FHIT: variants seen among roughly 807,000 people sequenced by gnomAD.
FHIT encodes the protein fragile histidine triad diadenosine triphosphatase, also known as bis(5'-adenosyl)-triphosphatase.
Under a neutral mutation model 17.9 loss-of-function variants are expected in FHIT, and 19 were observed. That is an observed-to-expected ratio of 1.06 (90% CI 0.74 to 1.56). The LOEUF (loss-of-function observed/expected upper bound fraction) is 1.56, where lower values mean the gene tolerates loss of function less well. Ranked by LOEUF, FHIT falls within the 40% of genes most tolerant of loss-of-function variation. The pLI is 0.00. For missense variants in FHIT, 248 were observed against 189.2 expected (o/e 1.31, Z -1.82); for synonymous variants, 81 against 69.7 (o/e 1.16, Z -0.81).
In FHIT at chr3:60,407,067, ATTTTTT is replaced by A. The variant is rs34542104; in HGVS notation, c.103+129787_103+129792del. Among the ~76,000 whole-genome samples the A allele has an allele frequency of 4.7e-3, 298 of 62,906 alleles. 1 individual carries two copies. Among genetic ancestry groups the A allele is most frequent in the African/African-American group, 7.4e-3 (106 of 14,392 alleles). The allele number at this position is 62,906 out of a possible 152,430, so 41.3% of individuals were successfully genotyped here. On this transcript the variant is annotated intron_variant, in intron 5 of 9. Transcript: ENST00000492590. ...GTGAACTACTCAAAGCCTGCCAATA[ATTTTTT>A]TTTTTTTTTTTTTTTTTTTTTGCTT...
At chr3:60,038,531 A>G (rs1701313678) in intron 5 of FHIT, among the ~76,000 whole-genome samples, 1 of 152,226 alleles carries the variant, frequency 6.6e-6, no homozygotes, top group Non-Finnish European at 1.5e-5. Context: ...TACTGTCTCA[A>G]TATGCATGAA....
At chr3:60,084,812 G>A (rs1374376254) in intron 5 of FHIT, among the ~76,000 whole-genome samples, 2 of 152,026 alleles carry the variant, frequency 1.3e-5, no homozygotes, top group African/African-American at 2.4e-5. Flanking sequence ...CAAGGCATTT[G>A]TAAGTCTTCC....
intron 8 of FHIT, among the ~76,000 whole-genome samples, chr3:59,761,966 C>T (rs1376409631): frequency 6.6e-6 from 1 of 151,984 alleles, no homozygotes; most frequent in Non-Finnish European, 1.5e-5. Flanking sequence ...TCTTAAATAC[C>T]TTATGTCCTC....
chr3:60,175,258 G>C (rs1312122045), intron 5 of FHIT, among the ~76,000 whole-genome samples: 1 of 152,092 alleles, frequency 6.6e-6, no homozygotes, highest in African/African-American at 2.4e-5. Context: ...TAATATGTTT[G>C]CACAAAGCTA....
chr3:60,637,672 C>G (rs1046571731), intron 4 of FHIT, among the ~76,000 whole-genome samples: 1 of 152,080 alleles, frequency 6.6e-6, no homozygotes, highest in South Asian at 2.1e-4. Context: ...GATGTGAACA[C>G]TGAAGTGCAG....
chr3:60,433,341 T>TTATG (rs762421107), intron 5 of FHIT, among the ~76,000 whole-genome samples: 6 of 152,214 alleles, frequency 3.9e-5, no homozygotes, highest in Non-Finnish European at 8.8e-5. Context: ...TTTAGGTTGT[T>TTATG]TATGTATTTT....
intron 5 of FHIT, among the ~76,000 whole-genome samples, chr3:60,478,020 G>A (rs1048527491): frequency 6.6e-6 from 1 of 152,080 alleles, no homozygotes; most frequent in African/African-American, 2.4e-5. Flanking sequence ...CTTCACAGCA[G>A]AAAATAATAA....
chr3:59,865,884 G>A (rs1206808646), intron 8 of FHIT, among the ~76,000 whole-genome samples: 6 of 152,158 alleles, frequency 3.9e-5, no homozygotes, highest in Non-Finnish European at 5.9e-5. Context: ...AGGCAGGAAC[G>A]GGGAGAGAGA....
At chr3:59,858,956 C>G (rs547942234) in intron 8 of FHIT, among the ~76,000 whole-genome samples, 2 of 152,072 alleles carry the variant, frequency 1.3e-5, no homozygotes, top group African/African-American at 2.4e-5. Flanking sequence ...TACATATTTC[C>G]TAGCTCTGTG....
chr3:60,485,581 T>C (rs1418988062), intron 5 of FHIT, among the ~76,000 whole-genome samples: 1 of 151,212 alleles, frequency 6.6e-6, no homozygotes, highest in Non-Finnish European at 1.5e-5. Flanking sequence ...ATGTTCTCAC[T>C]CATAAGTGGG....
At chr3:60,368,186 A>G (rs1345185006) in intron 5 of FHIT, among the ~76,000 whole-genome samples, 6 of 136,874 alleles carry the variant, frequency 4.4e-5, no homozygotes, top group Admixed American at 1.5e-4. Context: ...ATCATAAAAC[A>G]TATCTTTTTA....
chr3:60,768,153 G>C (rs1005792684), intron 4 of FHIT, among the ~76,000 whole-genome samples: 1 of 152,148 alleles, frequency 6.6e-6, no homozygotes, highest in African/African-American at 2.4e-5. Context: ...AATCCCATCA[G>C]TGGGCAAAAC....
At chr3:60,555,682 A>G (rs1018326715) in intron 4 of FHIT, among the ~76,000 whole-genome samples, 1 of 151,914 alleles carries the variant, frequency 6.6e-6, no homozygotes, top group South Asian at 2.1e-4. Context: ...TCTTCACTCT[A>G]TTTGTCACCA....
chr3:60,555,430 T>C (rs993502378), intron 4 of FHIT, among the ~76,000 whole-genome samples: 2 of 152,226 alleles, frequency 1.3e-5, no homozygotes, highest in Non-Finnish European at 2.9e-5. Flanking sequence ...AAGTCTTGAC[T>C]CTTCTTCCAC....
At chr3:60,861,305 G>A (rs1159422454) in intron 3 of FHIT, among the ~76,000 whole-genome samples, 1 of 97,482 alleles carries the variant, frequency 1.0e-5, no homozygotes, top group Non-Finnish European at 2.0e-5. Flanking sequence ...TAAGCTACTG[G>A]GTTTTGACGA....
chr3:60,940,921 C>A (rs1477328694), intron 3 of FHIT, among the ~76,000 whole-genome samples: 1 of 152,084 alleles, frequency 6.6e-6, no homozygotes, highest in Non-Finnish European at 1.5e-5. Flanking sequence ...AGTCTCTAAA[C>A]CAGCACTGTC....
chr3:60,024,706 G>A (rs550555005), intron 5 of FHIT, among the ~76,000 whole-genome samples: 2 of 152,252 alleles, frequency 1.3e-5, no homozygotes, highest in Admixed American at 6.5e-5. Context: ...AGAATGCAAG[G>A]GCAAGACCGT....
chr3:59,807,620 C>T (rs892651529), intron 8 of FHIT, among the ~76,000 whole-genome samples: 1 of 152,090 alleles, frequency 6.6e-6, no homozygotes, highest in Non-Finnish European at 1.5e-5. Flanking sequence ...CCATATTCCT[C>T]GGCAGCAGTA....
At chr3:60,499,438 C>T (rs1478010461) in intron 5 of FHIT, among the ~76,000 whole-genome samples, 1 of 152,142 alleles carries the variant, frequency 6.6e-6, no homozygotes, top group Non-Finnish European at 1.5e-5. Context: ...GTCGCCCAGG[C>T]TGGAGGGCAG....
Sources: allele counts gnomAD v4.1 joint callset (sites outside exome capture counted in the v4.1 genomes callset), GRCh38; gene constraint gnomAD v4.1.1; transcripts MANE v1.5; gene names NCBI Gene and HGNC (gene_info 2026-07-23, HGNC 2026-07-21).